NRXN1: variants seen among roughly 807,000 people sequenced by gnomAD.
The protein encoded by NRXN1 is neurexin-1.
NRXN1 carries 39 observed loss-of-function variants against 150.9 expected under a neutral mutation model. The observed-to-expected ratio is 0.26, with a 90% confidence interval of 0.20 to 0.34. The LOEUF is 0.34. Among genes scored for constraint, NRXN1 ranks in the 10% least tolerant of loss-of-function variants. The pLI is 1.00. For missense variants in NRXN1, 1,815 were observed against 1,949.9 expected (o/e 0.93, Z 1.30); for synonymous variants, 924 against 757.0 (o/e 1.22, Z -3.62).
At chr2:49,965,417 C>T (rs192278400) in intron 21 of NRXN1, among the ~76,000 whole-genome samples, 21 of 152,052 alleles carry the variant, frequency 1.4e-4, no homozygotes, top group African/African-American at 5.1e-4. Context: ...CAGGTGCCCA[C>T]CACCACGCCC....
intron 22 of NRXN1, among the ~76,000 whole-genome samples, chr2:49,942,287 C>A (rs1273772769): frequency 2.0e-5 from 3 of 152,100 alleles, no homozygotes; most frequent in Non-Finnish European, 4.4e-5. Flanking sequence ...TGTCCTGTTG[C>A]GAGGTGACTG....
In NRXN1 at chr2:51,029,017, T is replaced by G. The variant is rs1671070454; in HGVS notation, c.-744A>C. On this transcript the variant is annotated 5_prime_UTR_variant, in exon 2 of 23. Coordinates refer to ENST00000401669, the MANE Select transcript of NRXN1 (RefSeq NM_001330078.2). ...CTTCTCTTTTCAGCCACGGCAACAGTAGGACTCAAACCCAGCAGTTGCGAA... is the reference window on the plus strand; with the variant it reads ...CTTCTCTTTTCAGCCACGGCAACAGGAGGACTCAAACCCAGCAGTTGCGAA... 6.6e-6 allele frequency: 1 copy of G among 152,246 alleles called. No individual in the cohort carries two copies. 9.4% of individuals were successfully genotyped at this position (152,246 alleles called of 1,614,324 possible).
In NRXN1 at chr2:50,414,037, G is replaced by C. The variant is rs1045956174; in HGVS notation, c.3364+51405C>G. On this transcript the variant is annotated intron_variant, in intron 17 of 22. Coordinates refer to ENST00000401669, the MANE Select transcript of NRXN1 (RefSeq NM_001330078.2). Reference sequence around the variant, plus strand: ...GAATGGTTACCAGAGGCTGGGAAGGGTAGTGGGGTGGGGGGTGGGAAGACC... The same window carrying C: ...GAATGGTTACCAGAGGCTGGGAAGGCTAGTGGGGTGGGGGGTGGGAAGACC... 9.0e-5 allele frequency among the ~76,000 whole-genome samples: 10 copies of C among 110,976 alleles called. No individual in the cohort carries two copies. In the Admixed American group the frequency reaches 1.3e-3, roughly 14 times the overall value. 72.8% of individuals were successfully genotyped at this position (110,976 alleles called of 152,430 possible).
intron 17 of NRXN1, among the ~76,000 whole-genome samples, chr2:50,303,100 G>C (rs2074312267): frequency 6.6e-6 from 1 of 152,122 alleles, no homozygotes; most frequent in South Asian, 2.1e-4. Context: ...ATGTGTTGCT[G>C]TAAACTCATC....
intron 17 of NRXN1, among the ~76,000 whole-genome samples, chr2:50,285,529 C>A (rs1031453893): frequency 2.6e-5 from 4 of 152,092 alleles, no homozygotes; most frequent in Non-Finnish European, 5.9e-5. Context: ...CAAACCCCTG[C>A]AAATATGGGG....
intron 17 of NRXN1, among the ~76,000 whole-genome samples, chr2:50,266,004 T>A (rs1258426746): frequency 2.7e-5 from 1 of 37,384 alleles, no homozygotes; most frequent in Non-Finnish European, 6.0e-5. Flanking sequence ...TATTATTTAT[T>A]TTTTTTTTTT....
At chr2:50,580,782 C>A (rs566844446) in intron 8 of NRXN1, among the ~76,000 whole-genome samples, 3 of 152,240 alleles carry the variant, frequency 2.0e-5, no homozygotes, top group African/African-American at 7.2e-5. Flanking sequence ...CCTCATAAAT[C>A]ATCTGAGCAG....
chr2:50,681,527 A>C (rs552354195), intron 5 of NRXN1, among the ~76,000 whole-genome samples: 1 of 152,316 alleles, frequency 6.6e-6, no homozygotes, highest in African/African-American at 2.4e-5. Context: ...CTGGAGTCCC[A>C]GGCCATATAA....
At chr2:50,602,289 A>G (rs1676402817) in intron 8 of NRXN1, among the ~76,000 whole-genome samples, 2 of 152,148 alleles carry the variant, frequency 1.3e-5, no homozygotes, top group African/African-American at 4.8e-5. Context: ...CCAGGTTGAT[A>G]AATGGAAAAA....
At chr2:50,569,874 A>C (rs1027132239) in intron 8 of NRXN1, among the ~76,000 whole-genome samples, 4 of 152,138 alleles carry the variant, frequency 2.6e-5, no homozygotes, top group Non-Finnish European at 5.9e-5. Context: ...TTAGCTCTCC[A>C]CATTAAGTAG....
chr2:49,960,791 G>A (rs1330616070), intron 21 of NRXN1, among the ~76,000 whole-genome samples: 1 of 152,072 alleles, frequency 6.6e-6, no homozygotes, highest in Non-Finnish European at 1.5e-5. Context: ...GTTCTTAAAT[G>A]GTTCAGCTAA....
chr2:49,944,307 T>C (rs936778524), intron 21 of NRXN1, among the ~76,000 whole-genome samples: 5 of 152,198 alleles, frequency 3.3e-5, no homozygotes, highest in African/African-American at 1.2e-4. Context: ...GCTCTTTCAT[T>C]GGTGCAAAAA....
chr2:50,051,338 T>C (rs115478963), intron 21 of NRXN1, among the ~76,000 whole-genome samples: 1,809 of 152,144 alleles, frequency 0.012, 46 homozygotes, highest in African/African-American at 0.042. Context: ...CTGGTTTATA[T>C]AGGAGATTTG....
chr2:50,453,408 C>T (rs1007024863), intron 17 of NRXN1, among the ~76,000 whole-genome samples: 2 of 152,108 alleles, frequency 1.3e-5, no homozygotes, highest in East Asian at 1.9e-4. Flanking sequence ...AGTCTAATTA[C>T]CTTCTTTTTG....
At chr2:49,968,672 T>C (rs1677389935) in intron 21 of NRXN1, among the ~76,000 whole-genome samples, 1 of 152,112 alleles carries the variant, frequency 6.6e-6, no homozygotes, top group African/African-American at 2.4e-5. Context: ...ACAGGAAACA[T>C]ACAGCGAAAT....
At chr2:50,871,075 T>C (rs1235054801) in intron 5 of NRXN1, among the ~76,000 whole-genome samples, 4 of 151,930 alleles carry the variant, frequency 2.6e-5, no homozygotes, top group Non-Finnish European at 5.9e-5. Context: ...CAGTAGCATA[T>C]AGGATAAATC....
At chr2:50,337,578 A>C (rs2077277440) in intron 17 of NRXN1, among the ~76,000 whole-genome samples, 1 of 152,226 alleles carries the variant, frequency 6.6e-6, no homozygotes, top group Non-Finnish European at 1.5e-5. Flanking sequence ...AGTTTAAAAC[A>C]GCACCTGGCA....
chr2:50,435,073 C>A (rs2085311856), intron 17 of NRXN1, among the ~76,000 whole-genome samples: 1 of 151,794 alleles, frequency 6.6e-6, no homozygotes, highest in African/African-American at 2.4e-5. Context: ...TTATACTGTA[C>A]AAAATAGAAA....
intron 22 of NRXN1, among the ~76,000 whole-genome samples, chr2:49,925,031 T>G (rs1157640665): frequency 6.6e-6 from 1 of 152,012 alleles, no homozygotes; most frequent in Admixed American, 6.6e-5. Context: ...GTGGCTCACA[T>G]CTGTAATCCC....
Sources: gnomAD v4.1 joint callset for allele counts (sites outside exome capture counted in the v4.1 genomes callset) on GRCh38, gnomAD v4.1.1 for gene constraint, MANE v1.5 for transcripts, NCBI Gene and HGNC (gene_info 2026-07-23, HGNC 2026-07-21) for gene names.